The following TDRD3 variants were observed in gnomAD, a reference collection of about 807,000 sequenced individuals.
TDRD3 encodes tudor domain-containing protein 3.
Under a neutral mutation model 86.7 loss-of-function variants are expected in TDRD3, and 45 were observed. The observed-to-expected ratio is 0.52, with a 90% confidence interval of 0.41 to 0.67. The LOEUF is 0.67. TDRD3 is among the 30% of genes least tolerant of loss of function. The pLI is 0.00. For missense variants in TDRD3, 814 were observed against 889.0 expected (o/e 0.92, Z 1.07); for synonymous variants, 298 against 301.7 (o/e 0.99, Z 0.13).
chr13:60,414,761 A>C (rs1954453679), intron 1 of TDRD3, among the ~76,000 whole-genome samples: 1 of 152,112 alleles, frequency 6.6e-6, no homozygotes, highest in East Asian at 1.9e-4. Context: ...ATGGTCTACT[A>C]ATTTTAATAG....
chr13:60,431,263 A>G (rs1012173585), intron 1 of TDRD3, among the ~76,000 whole-genome samples: 1 of 151,990 alleles, frequency 6.6e-6, no homozygotes, highest in African/African-American at 2.4e-5. Context: ...CTTCAACAGG[A>G]GTATAATATT....
At chr13:60,482,743 T>C (rs1208058516) in intron 5 of TDRD3, among the ~76,000 whole-genome samples, 1 of 152,232 alleles carries the variant, frequency 6.6e-6, no homozygotes, top group African/African-American at 2.4e-5. Context: ...AATGTTGTGC[T>C]TGACTGTCGT....
At chr13:60,543,507 A>G (rs957626068) in intron 12 of TDRD3, among the ~76,000 whole-genome samples, 4 of 152,114 alleles carry the variant, frequency 2.6e-5, no homozygotes, top group Non-Finnish European at 5.9e-5. Context: ...TTTTTCCTGT[A>G]TAGAACCTAT....
chr13:60,403,769 G>A (rs1290313741), intron 1 of TDRD3, among the ~76,000 whole-genome samples: 1 of 152,164 alleles, frequency 6.6e-6, no homozygotes, highest in Non-Finnish European at 1.5e-5. Context: ...GGATGGATGT[G>A]AGTGTGTGTA....
At position 60,529,721 on chromosome 13, in the gene TDRD3, G is replaced by A. The variant is rs940270450; in HGVS notation, c.1992+504G>A. The stretch of plus-strand genomic sequence containing the variant: ...TAAAATTATTAAACCATTGCTTCTC[G>A]GCCTTTTGGCTAAGATCGAGTGTAA... On this transcript the variant is annotated intron_variant, in intron 11 of 13. Coordinates refer to ENST00000377881, the MANE Select transcript of TDRD3 (RefSeq NM_001146070.2). 5.3e-5 allele frequency among the ~76,000 whole-genome samples: 8 copies of A among 151,534 alleles called. No homozygotes were observed. In the East Asian group the frequency reaches 5.8e-4, roughly 11 times the overall value.
chr13:60,509,170 G>T (rs1359552498), intron 8 of TDRD3, among the ~76,000 whole-genome samples: 1 of 152,096 alleles, frequency 6.6e-6, no homozygotes, highest in African/African-American at 2.4e-5. Context: ...AGTGGTTCTT[G>T]AATTCTATTC....
intron 12 of TDRD3, among the ~76,000 whole-genome samples, chr13:60,561,473 A>G (rs556702604): frequency 6.6e-6 from 1 of 152,308 alleles, no homozygotes; most frequent in East Asian, 1.9e-4. Context: ...AGGAAGAGGA[A>G]GCCAAAGGGG....
At chr13:60,428,285 T>C (rs1954861254) in intron 1 of TDRD3, among the ~76,000 whole-genome samples, 1 of 151,534 alleles carries the variant, frequency 6.6e-6, no homozygotes, top group African/African-American at 2.4e-5. Flanking sequence ...CTGTAAAGAC[T>C]GTCTCTAAAT....
intron 3 of TDRD3, among the ~76,000 whole-genome samples, chr13:60,450,606 G>GTTAATTATAGT (rs1307290099): frequency 6.6e-6 from 1 of 152,172 alleles, no homozygotes; most frequent in African/African-American, 2.4e-5. Context: ...GAAGTGCTAA[G>GTTAATTATAGT]TAAATTATAG....
Position 60,510,684 on chromosome 13 carries a change from A to C in TDRD3, c.1070A>C (p.Asn357Thr). 6.2e-7 allele frequency: 1 copy of C among 1,607,296 alleles called. No homozygotes were observed. The highest frequency in any genetic ancestry group is 8.5e-7 in the Non-Finnish European group (1 of 1,176,738). ...IRSEDEEDLG[N>T]ARPSAPSTLF... is the part of the protein sequence containing the mutation. ...TCTGAAGATGAAGAGGACCTGGGAA[A>C]TGCAAGGCCATCAGCACCAAGCACA... Residue 357 changes from asparagine (N) to threonine (T), a missense_variant, in exon 10 of 14, where the codon AAT becomes ACT. Transcript: ENST00000377881.
intron 13 of TDRD3, among the ~76,000 whole-genome samples, chr13:60,571,575 T>C (rs1958585693): frequency 6.6e-6 from 1 of 152,240 alleles, no homozygotes; most frequent in Non-Finnish European, 1.5e-5. Context: ...GTTTTCTTTT[T>C]ATGTTTTGAG....
chr13:60,475,941 C>T (rs1054373337), intron 5 of TDRD3, among the ~76,000 whole-genome samples: 1 of 152,078 alleles, frequency 6.6e-6, no homozygotes, highest in Non-Finnish European at 1.5e-5. Flanking sequence ...GGATAGTAGA[C>T]CTTTGTTGGA....
At chr13:60,563,151 C>G (rs904188584) in intron 12 of TDRD3, among the ~76,000 whole-genome samples, 3 of 151,216 alleles carry the variant, frequency 2.0e-5, no homozygotes, top group African/African-American at 7.3e-5. Context: ...TCACTTGAAC[C>G]TGGAAGGCGG....
chr13:60,536,875 A>T (rs1957706899), intron 12 of TDRD3: 1 of 151,956 alleles, frequency 6.6e-6, no homozygotes, highest in Non-Finnish European at 1.5e-5. Context: ...TTCTTTCTAC[A>T]GTCAGTGACT....
At chr13:60,414,396 A>G (rs559305255) in intron 1 of TDRD3, among the ~76,000 whole-genome samples, 1 of 152,154 alleles carries the variant, frequency 6.6e-6, no homozygotes, top group Non-Finnish European at 1.5e-5. Flanking sequence ...ACAGGAGCAA[A>G]GAGTAGTTGT....
At chr13:60,540,358 T>G (rs187499837) in intron 12 of TDRD3, among the ~76,000 whole-genome samples, 1 of 152,332 alleles carries the variant, frequency 6.6e-6, no homozygotes, top group Admixed American at 6.5e-5. Context: ...TAGTAAAGTT[T>G]GGTTGTGTTA....
At chr13:60,522,897 G>A (rs1957320875) in intron 10 of TDRD3, among the ~76,000 whole-genome samples, 1 of 152,090 alleles carries the variant, frequency 6.6e-6, no homozygotes, top group African/African-American at 2.4e-5. Flanking sequence ...TTTCCTCTGG[G>A]TGGGCAGCTT....
intron 5 of TDRD3, among the ~76,000 whole-genome samples, chr13:60,469,978 C>T (rs770900203): frequency 2.0e-5 from 3 of 152,168 alleles, no homozygotes; most frequent in Non-Finnish European, 2.9e-5. Flanking sequence ...GTACCACCAT[C>T]CACTTCCCTA....
chr13:60,508,685 A>G (rs980743461), intron 8 of TDRD3, among the ~76,000 whole-genome samples: 1 of 152,210 alleles, frequency 6.6e-6, no homozygotes, highest in African/African-American at 2.4e-5. Context: ...AACCTAGGCA[A>G]TACCATTCAG....
Sources: allele counts gnomAD v4.1 joint callset (sites outside exome capture counted in the v4.1 genomes callset), GRCh38; gene constraint gnomAD v4.1.1; transcripts MANE v1.5; gene names NCBI Gene and HGNC (gene_info 2026-07-23, HGNC 2026-07-21).